The following ROBO2 variants were observed in gnomAD, a reference collection of about 807,000 sequenced individuals.
ROBO2 encodes the protein roundabout guidance receptor 2.
Under a neutral mutation model 160.8 loss-of-function variants are expected in ROBO2, and 53 were observed. The ratio of observed to expected loss-of-function variants is 0.33; its 90% CI spans 0.26 to 0.41. ROBO2 has a LOEUF of 0.41. Ranked by LOEUF, ROBO2 falls within the 10% of genes least tolerant of loss-of-function variation. The pLI, the probability that ROBO2 is intolerant of heterozygous loss-of-function variation, is 1.00. For synonymous variants in ROBO2, 664 were observed against 611.7 expected, an observed-to-expected ratio of 1.09 and a Z score of -1.26; for missense variants, 1,577 against 1,722.4, an observed-to-expected ratio of 0.92 and a Z score of 1.49.
intron 2 of ROBO2, among the ~76,000 whole-genome samples, chr3:77,325,882 G>A (rs2065329030): frequency 1.3e-5 from 2 of 152,088 alleles, no homozygotes; most frequent in African/African-American, 4.8e-5. Flanking sequence ...GGAAAAGCTG[G>A]GACGCAAATG....
intron 2 of ROBO2, among the ~76,000 whole-genome samples, chr3:77,103,705 A>C (rs897226151): frequency 1.3e-5 from 2 of 152,210 alleles, no homozygotes; most frequent in Non-Finnish European, 2.9e-5. Flanking sequence ...CATTATTTAT[A>C]GGGTTACAGA....
intron 2 of ROBO2, among the ~76,000 whole-genome samples, chr3:76,818,355 T>C (rs1455258817): frequency 6.6e-6 from 1 of 152,058 alleles, no homozygotes; most frequent in East Asian, 1.9e-4. Flanking sequence ...TTTTTTTTCT[T>C]GATGATTTGT....
chr3:77,161,866 C>T (rs2078520264), intron 2 of ROBO2, among the ~76,000 whole-genome samples: 1 of 151,978 alleles, frequency 6.6e-6, no homozygotes, highest in East Asian at 1.9e-4. Context: ...TGTAGTTCTT[C>T]TTCTGTACAG....
At position 77,078,781 on chromosome 3, in the gene ROBO2, C is replaced by A. The variant is rs73112410; in HGVS notation, c.62-19233C>A. Among the ~76,000 whole-genome samples, 654 of 152,232 alleles carry A rather than the reference C, an allele frequency of 4.3e-3. 1 individual carries two copies. The highest frequency in any genetic ancestry group is 7.9e-3 in the Non-Finnish European group (537 of 68,014). ...GAAATAGAAATGGATCAGGGCCTCC[C>A]ACACCCCGCAACTCACCAGTGCTAC... is the stretch of plus-strand genomic sequence containing the variant. On this transcript the variant is annotated intron_variant, in intron 1 of 25. Coordinates refer to ENST00000461745, the Ensembl canonical transcript of ROBO2.
chr3:77,166,221 G>A (rs2079060089), intron 2 of ROBO2, among the ~76,000 whole-genome samples: 1 of 151,908 alleles, frequency 6.6e-6, no homozygotes, highest in Admixed American at 6.6e-5. Context: ...TCCTGCCACT[G>A]CACTCCAGCT....
At chr3:76,695,053 G>A (rs548179982) in intron 2 of ROBO2, among the ~76,000 whole-genome samples, 5 of 152,256 alleles carry the variant, frequency 3.3e-5, no homozygotes, top group Admixed American at 1.3e-4. Flanking sequence ...GCAGTGACCC[G>A]AGATAGTGCC....
intron 2 of ROBO2, among the ~76,000 whole-genome samples, chr3:76,905,345 CAA>C (rs1412817969): frequency 1.3e-5 from 2 of 151,724 alleles, no homozygotes; most frequent in Non-Finnish European, 2.9e-5. Flanking sequence ...AGGGGGCACA[CAA>C]GAGAAAAAAA....
At chr3:77,639,145 T>G (rs2153721120) in intron 24 of ROBO2, among the ~76,000 whole-genome samples, 1 of 152,192 alleles carries the variant, frequency 6.6e-6, no homozygotes, top group South Asian at 2.1e-4. Context: ...CCCCTAGTTC[T>G]TAATGTCCTG....
chr3:76,486,965 C>T (rs943515315), intron 2 of ROBO2, among the ~76,000 whole-genome samples: 3 of 152,142 alleles, frequency 2.0e-5, no homozygotes, highest in South Asian at 4.2e-4. Flanking sequence ...CAGAGACTCA[C>T]ATTTTTGTTT....
intron 2 of ROBO2, among the ~76,000 whole-genome samples, chr3:76,171,431 G>A (rs2073035515): frequency 6.6e-6 from 1 of 151,734 alleles, no homozygotes; most frequent in South Asian, 2.1e-4. Flanking sequence ...ATATTGATGA[G>A]TTGTTTTGTT....
intron 2 of ROBO2, among the ~76,000 whole-genome samples, chr3:77,402,920 T>C (rs1399759425): frequency 1.3e-5 from 2 of 152,160 alleles, no homozygotes; most frequent in Non-Finnish European, 1.5e-5. Flanking sequence ...AATAAACTTT[T>C]ACTCCTACTC....
intron 2 of ROBO2, among the ~76,000 whole-genome samples, chr3:76,900,942 T>G (rs2075177106): frequency 1.3e-5 from 2 of 152,322 alleles, no homozygotes; most frequent in African/African-American, 4.8e-5. Flanking sequence ...TTCACAATCT[T>G]GTGTTGTTTA....
intron 2 of ROBO2, among the ~76,000 whole-genome samples, chr3:77,002,007 C>G (rs981521237): frequency 5.9e-5 from 9 of 152,006 alleles, no homozygotes; most frequent in African/African-American, 2.2e-4. Context: ...TTTAAGTTTA[C>G]TATATTATTG....
intron 2 of ROBO2, among the ~76,000 whole-genome samples, chr3:76,501,685 C>T (rs2080469797): frequency 6.6e-6 from 1 of 152,148 alleles, no homozygotes. Context: ...GCTTCTTTAT[C>T]CTACACTGTA....
intron 2 of ROBO2, among the ~76,000 whole-genome samples, chr3:77,112,193 CAAAAAAAAAAA>C (rs373201643): frequency 7.4e-4 from 51 of 68,690 alleles, no homozygotes; most frequent in Non-Finnish European, 1.1e-3. Flanking sequence ...AGACTCGTCT[CAAAAAAAAAAA>C]AAAAAAAAAA....
chr3:77,516,776 A>G (rs193001152), intron 5 of ROBO2, among the ~76,000 whole-genome samples: 143 of 151,772 alleles, frequency 9.4e-4, no homozygotes, highest in Middle Eastern at 6.8e-3. Context: ...TTGCTGGTAT[A>G]TAAACACAAC....
chr3:77,217,903 A>C (rs2085195356), intron 2 of ROBO2, among the ~76,000 whole-genome samples: 2 of 152,358 alleles, frequency 1.3e-5, no homozygotes, highest in East Asian at 1.9e-4. Flanking sequence ...TAAATGAAAT[A>C]TTACAGACAG....
At chr3:76,262,291 C>G (rs957036797) in intron 2 of ROBO2, among the ~76,000 whole-genome samples, 3 of 151,808 alleles carry the variant, frequency 2.0e-5, no homozygotes, top group African/African-American at 4.8e-5. Context: ...ATTTAACGAG[C>G]TTTGCTTTTT....
intron 2 of ROBO2, among the ~76,000 whole-genome samples, chr3:77,123,991 A>G (rs544102607): frequency 4.4e-4 from 67 of 151,178 alleles, no homozygotes; most frequent in African/African-American, 1.4e-3. Flanking sequence ...ATATATATGT[A>G]TCTATATAGA....
Sources: allele counts gnomAD v4.1 joint callset (sites outside exome capture counted in the v4.1 genomes callset), GRCh38; gene constraint gnomAD v4.1.1; transcripts MANE v1.5; gene names NCBI Gene and HGNC (gene_info 2026-07-23, HGNC 2026-07-21).